SNTG2: variants seen among roughly 807,000 people sequenced by gnomAD.
The protein encoded by SNTG2 is gamma-2-syntrophin.
A neutral mutation model predicts 70.9 loss-of-function variants in SNTG2; 74 were observed. The observed-to-expected ratio is 1.04, with a 90% CI of 0.86 to 1.27. The LOEUF (loss-of-function observed/expected upper bound fraction) is 1.27. Among genes scored for constraint, SNTG2 ranks in the 50% most tolerant of loss-of-function variants. SNTG2 has a pLI of 0.00. For synonymous variants in SNTG2, 278 were observed against 273.8 expected (o/e 1.02, Z -0.15); for missense variants, 717 against 690.7 (o/e 1.04, Z -0.43).
intron 16 of SNTG2, among the ~76,000 whole-genome samples, chr2:1,360,863 G>A (rs1167907379): frequency 1.3e-5 from 2 of 152,186 alleles, no homozygotes; most frequent in African/African-American, 4.8e-5. Flanking sequence ...CCTACCATTG[G>A]AGCCTGATTC....
At chr2:973,372 A>G (rs760151096) in intron 1 of SNTG2, among the ~76,000 whole-genome samples, 7 of 152,026 alleles carry the variant, frequency 4.6e-5, no homozygotes, top group Non-Finnish European at 5.9e-5. Context: ...TTTTGTTTCA[A>G]CTACTTTCAG....
At chr2:1,297,632 T>G (rs1238726835) in intron 14 of SNTG2, among the ~76,000 whole-genome samples, 1 of 152,138 alleles carries the variant, frequency 6.6e-6, no homozygotes, top group Non-Finnish European at 1.5e-5. Context: ...TGGCCCAGCC[T>G]GGCGCATCCG....
At chr2:1,275,195 G>A (rs1324691293) in intron 14 of SNTG2, among the ~76,000 whole-genome samples, 1 of 152,210 alleles carries the variant, frequency 6.6e-6, no homozygotes, top group East Asian at 1.9e-4. Context: ...CCCTGCATTA[G>A]TCCCCACCTC....
intron 9 of SNTG2, among the ~76,000 whole-genome samples, chr2:1,222,079 G>GTCTCTA (rs1553362204): frequency 6.9e-5 from 1 of 14,584 alleles, no homozygotes; most frequent in Non-Finnish European, 1.5e-4. Flanking sequence ...CTCTGTCTCT[G>GTCTCTA]TCTCTGTCTC....
At chr2:966,319 A>T (rs1279617110) in intron 1 of SNTG2, among the ~76,000 whole-genome samples, 1 of 152,168 alleles carries the variant, frequency 6.6e-6, no homozygotes, top group Non-Finnish European at 1.5e-5. Flanking sequence ...TTTTACTTAA[A>T]AATTTAAATA....
chr2:1,003,639 G>T (rs1345108057), intron 1 of SNTG2, among the ~76,000 whole-genome samples: 1 of 152,126 alleles, frequency 6.6e-6, no homozygotes, highest in African/African-American at 2.4e-5. Flanking sequence ...GGTGAGAATG[G>T]TTAGGCAGCC....
At chr2:1,072,765 A>G (rs989815744) in intron 1 of SNTG2, among the ~76,000 whole-genome samples, 4 of 152,198 alleles carry the variant, frequency 2.6e-5, no homozygotes, top group Admixed American at 2.6e-4. Flanking sequence ...GGCAAAGTAA[A>G]TTGAAGGATT....
At chr2:1,181,352 C>T (rs1671883342) in intron 8 of SNTG2, among the ~76,000 whole-genome samples, 1 of 152,128 alleles carries the variant, frequency 6.6e-6, no homozygotes, top group Admixed American at 6.6e-5. Flanking sequence ...CAATTTCTTT[C>T]TTGAAAGAGG....
At chr2:1,227,142 G>C (rs1333541085) in intron 9 of SNTG2, among the ~76,000 whole-genome samples, 1 of 152,260 alleles carries the variant, frequency 6.6e-6, no homozygotes, top group Non-Finnish European at 1.5e-5. Context: ...ATCACTGAAA[G>C]AGGTTCTGCG....
chr2:989,559 G>A (rs908538257), intron 1 of SNTG2, among the ~76,000 whole-genome samples: 2 of 152,162 alleles, frequency 1.3e-5, no homozygotes, highest in African/African-American at 2.4e-5. Flanking sequence ...TCTCAATAGG[G>A]ATTATGTATT....
intron 6 of SNTG2, among the ~76,000 whole-genome samples, chr2:1,155,024 CCACACATACCACACATACACACCA>C (rs1404541688): frequency 1.1e-4 from 17 of 150,106 alleles, no homozygotes; most frequent in African/African-American, 4.2e-4. Context: ...TAGTCATACA[CCACACATACCACACATACACACCA>C]CACACATAAA....
At chr2:1,227,553 G>A (rs997171874) in intron 9 of SNTG2, among the ~76,000 whole-genome samples, 10 of 152,212 alleles carry the variant, frequency 6.6e-5, no homozygotes, top group Admixed American at 2.0e-4. Flanking sequence ...CCACGAATCC[G>A]TTTCCCCACG....
chr2:1,243,301 A>G (rs920423978), intron 11 of SNTG2, among the ~76,000 whole-genome samples: 3 of 152,208 alleles, frequency 2.0e-5, no homozygotes, highest in African/African-American at 7.2e-5. Context: ...CCCAGGGGGA[A>G]GAAAGAGCAA....
At chr2:1,321,327 A>AC (rs1456378954) in intron 16 of SNTG2, among the ~76,000 whole-genome samples, 1 of 152,182 alleles carries the variant, frequency 6.6e-6, no homozygotes, top group Admixed American at 6.5e-5. Context: ...TCTCTGGGAG[A>AC]AACACTACCG....
chr2:1,068,080 C>G (rs1663276035), intron 1 of SNTG2: 1 of 152,206 alleles, frequency 6.6e-6, no homozygotes, highest in Non-Finnish European at 1.5e-5. Context: ...ATCCTCATTT[C>G]TGCTAAGAGA....
intron 14 of SNTG2, among the ~76,000 whole-genome samples, chr2:1,278,840 G>T (rs1381969250): frequency 6.6e-6 from 1 of 152,006 alleles, no homozygotes; most frequent in African/African-American, 2.4e-5. Context: ...TTCCATAAAT[G>T]AATAATTCCT....
At chr2:985,156 G>A (rs922031866) in intron 1 of SNTG2, among the ~76,000 whole-genome samples, 2 of 151,974 alleles carry the variant, frequency 1.3e-5, no homozygotes, top group Non-Finnish European at 2.9e-5. Flanking sequence ...CAGACCACAC[G>A]CCACTCCCTC....
At chr2:1,197,547 G>GTATA (rs57318423) in intron 8 of SNTG2, among the ~76,000 whole-genome samples, 1,565 of 138,844 alleles carry the variant, frequency 0.011, 38 homozygotes, top group African/African-American at 0.041. Flanking sequence ...GTGTGTGTGT[G>GTATA]TGTATATTTG....
intron 1 of SNTG2, among the ~76,000 whole-genome samples, chr2:984,636 C>T (rs1011649442): frequency 2.6e-5 from 4 of 152,192 alleles, no homozygotes; most frequent in Non-Finnish European, 4.4e-5. Context: ...GTGGCCCTGC[C>T]GTCCTGAAAT....
Sources: gnomAD v4.1 joint callset for allele counts (sites outside exome capture counted in the v4.1 genomes callset) on GRCh38, gnomAD v4.1.1 for gene constraint, MANE v1.5 for transcripts, NCBI Gene and HGNC (gene_info 2026-07-23, HGNC 2026-07-21) for gene names.